Variants in AHCTF1 observed in about 807,000 individuals in gnomAD.
The protein encoded by AHCTF1 is AT-hook containing transcription factor 1.
A neutral mutation model predicts 248.4 loss-of-function variants in AHCTF1; 24 were observed. That is an observed-to-expected ratio of 0.10 (90% CI 0.07 to 0.14). AHCTF1 has a LOEUF of 0.14. Ranked by LOEUF, AHCTF1 falls within the 10% of genes least tolerant of loss-of-function variation. The pLI is 1.00. For missense variants in AHCTF1, 2,206 were observed against 2,636.2 expected, an observed-to-expected ratio of 0.84 and a Z score of 3.57; for synonymous variants, 786 against 929.8, an observed-to-expected ratio of 0.85 and a Z score of 2.81.
At chr1:246,896,208 C>T (rs976630996) in intron 12 of AHCTF1, among the ~76,000 whole-genome samples, 1 of 152,148 alleles carries the variant, frequency 6.6e-6, no homozygotes, top group African/African-American at 2.4e-5. Flanking sequence ...CCTCCAATTC[C>T]ACACCTAGGT....
At chr1:246,899,681 C>T (rs528830532) in intron 10 of AHCTF1, among the ~76,000 whole-genome samples, 169 bp from the exon 11 acceptor site, 1 of 151,994 alleles carries the variant, frequency 6.6e-6, no homozygotes, top group East Asian at 1.9e-4. Flanking sequence ...GATAACAAAC[C>T]TATTACACAG....
intron 1 of AHCTF1, among the ~76,000 whole-genome samples, chr1:246,927,041 G>A (rs1173927416): frequency 1.3e-5 from 2 of 151,658 alleles, no homozygotes; most frequent in Admixed American, 6.6e-5. Flanking sequence ...AGCAGGGCGT[G>A]GTGACGGGAA....
chr1:246,912,211 C>T (rs1158000843), intron 4 of AHCTF1, among the ~76,000 whole-genome samples: 4 of 152,132 alleles, frequency 2.6e-5, no homozygotes, highest in South Asian at 2.1e-4. Context: ...GGTGTGGTGG[C>T]TCACACCTGT....
Position 246,909,394 on chromosome 1 carries a change from C to CAA in AHCTF1, c.557-1638_557-1637dup, listed in dbSNP as rs55998210. Among the ~76,000 whole-genome samples, 76 of 62,368 alleles carry CAA rather than the reference C, an allele frequency of 1.2e-3. 1 individual carries two copies. Among genetic ancestry groups the CAA allele is most frequent in the East Asian group, 4.8e-3 (10 of 2,084 alleles). The allele number at this position is 62,368 out of a possible 152,430, so 40.9% of individuals were successfully genotyped here. A position where few individuals can be genotyped will look rare whatever the true frequency, so the allele number is the denominator to read the frequency against. On this transcript the variant is annotated intron_variant, in intron 4 of 35. Transcript: ENST00000648844. ...ATTGCGCCACTGCACTCCAGCCTCT[C>CAA]AAAAAAAAAAAAAAAAAAAAAAAAA...
At chr1:246,863,590 A>G (rs977286400) in intron 27 of AHCTF1, among the ~76,000 whole-genome samples, 6 of 152,220 alleles carry the variant, frequency 3.9e-5, no homozygotes, top group African/African-American at 1.4e-4. Context: ...ATTTGATAGA[A>G]GAAATAACAG....
chr1:246,885,020 T>C (rs1036624652), intron 21 of AHCTF1, among the ~76,000 whole-genome samples: 5 of 152,206 alleles, frequency 3.3e-5, no homozygotes, highest in African/African-American at 7.2e-5. Flanking sequence ...CAACTGTCAA[T>C]GTTGTCAACT....
In AHCTF1 at chr1:246,867,681, A is replaced by G; in HGVS notation, c.3219T>C (p.Asn1073=). ...CATACCTATTGAAAGGTGTGGTGCT[A>G]TTTATAGGTTCTTTGCTTGCCCAAA... ...GEVWASKEPI[N]STTPFNSSKI... Residue 1073 remains asparagine, a synonymous_variant, in exon 25 of 36, where the codon AAT becomes AAC. Coordinates refer to ENST00000648844, the MANE Select transcript of AHCTF1 (RefSeq NM_001323342.2). The G allele has an allele frequency of 6.2e-7, 1 of 1,612,150 alleles. No homozygotes were observed. The highest frequency in any genetic ancestry group is 8.5e-7 in the Non-Finnish European group (1 of 1,179,840).
intron 17 of AHCTF1, 57 bp downstream of exon 17, chr1:246,889,909 T>G: frequency 7.6e-7 from 1 of 1,312,264 alleles, no homozygotes; most frequent in Non-Finnish European, 1.1e-6. Context: ...CGATGAACAC[T>G]ATTCTGAGAA....
intron 4 of AHCTF1, among the ~76,000 whole-genome samples, chr1:246,912,298 A>C (rs1230276069): frequency 6.6e-6 from 1 of 151,824 alleles, no homozygotes; most frequent in South Asian, 2.1e-4. Flanking sequence ...AATATGGTGA[A>C]ACCCCATCTC....
chr1:246,912,539 G>A (rs150752133), intron 4 of AHCTF1, among the ~76,000 whole-genome samples: 1,941 of 150,548 alleles, frequency 0.013, 29 homozygotes, highest in Non-Finnish European at 0.019. Flanking sequence ...AAATTTTTTC[G>A]GGTCAAATAC....
intron 27 of AHCTF1, among the ~76,000 whole-genome samples, chr1:246,863,384 A>C (rs894318418): frequency 2.1e-4 from 32 of 151,968 alleles, no homozygotes; most frequent in African/African-American, 4.1e-4. Flanking sequence ...AAAAAAAAAA[A>C]AACAAAACTT....
intron 1 of AHCTF1, 149 bp from the exon 2 acceptor site, chr1:246,918,526 A>T (rs1490792133): frequency 1.3e-6 from 1 of 788,064 alleles, no homozygotes; most frequent in East Asian, 3.1e-5. Flanking sequence ...CCAGATGCGG[A>T]GGCTCACGCC....
chr1:246,890,355 T>C (rs188314650), intron 16 of AHCTF1, among the ~76,000 whole-genome samples: 34 of 152,260 alleles, frequency 2.2e-4, no homozygotes, highest in Non-Finnish European at 1.5e-5. Context: ...AAATGTTCAC[T>C]ACAAATCAAA....
intron 33 of AHCTF1, among the ~76,000 whole-genome samples, chr1:246,848,706 T>C (rs997001266): frequency 2.0e-5 from 3 of 151,274 alleles, no homozygotes; most frequent in Non-Finnish European, 4.4e-5. Context: ...TCTCTACAAA[T>C]ACAAAAAATT....
intron 4 of AHCTF1, 120 bp from the exon 5 acceptor site, chr1:246,907,878 T>G: frequency 3.6e-6 from 3 of 832,896 alleles, no homozygotes; most frequent in Non-Finnish European, 5.5e-6. Flanking sequence ...TTAATTGAAA[T>G]TAAAAGATTA....
chr1:246,912,881 T>C (rs924704408), intron 4 of AHCTF1, among the ~76,000 whole-genome samples: 12 of 152,234 alleles, frequency 7.9e-5, no homozygotes, highest in African/African-American at 2.9e-4. Flanking sequence ...TATTGGCTGA[T>C]AAGGCTCAAG....
intron 21 of AHCTF1, among the ~76,000 whole-genome samples, chr1:246,882,218 C>T (rs963657093): frequency 3.1e-4 from 45 of 145,032 alleles, no homozygotes; most frequent in Admixed American, 4.2e-4. Context: ...AGGATGGTCT[C>T]GATCTCCTGA....
chr1:246,872,165 G>A lies in AHCTF1; in HGVS notation c.3088+3872C>T, dbSNP rs977947953. ...AATAACAAAACAAAACAAACCTTAC[G>A]CAATTAGTTACTAAAGATACCTGAT... On this transcript the variant is annotated intron_variant, in intron 24 of 35. Coordinates refer to ENST00000648844, the MANE Select transcript of AHCTF1 (RefSeq NM_001323342.2). Among the ~76,000 whole-genome samples, 8 of 151,078 alleles carry A rather than the reference G, an allele frequency of 5.3e-5. No individual in the cohort carries two copies. In the South Asian group the frequency reaches 6.2e-4, roughly 12 times the overall value.
At position 246,898,225 on chromosome 1, in the gene AHCTF1, G is replaced by A; in HGVS notation, c.1606C>T (p.Pro536Ser). The change falls in exon 12 of 36, where the codon CCT (proline) becomes TCT (serine). Residue 536 changes from proline (P) to serine (S), a missense_variant. Around this residue, in one of 6 missense-constraint regions of AHCTF1, gnomAD observed 650 missense variants for 870.8 expected, o/e 0.75. Transcript: ENST00000648844. Reference sequence around the variant, plus strand: ...CATCTCACTTGGCTTAAACTGGAAGGCTGAACATCAACAAATCTTGGGGAA... The same window carrying A: ...CATCTCACTTGGCTTAAACTGGAAGACTGAACATCAACAAATCTTGGGGAA... ...LLSPRFVDVQPSSLSQEEQLE... is the reference protein window; with the variant it reads ...LLSPRFVDVQSSSLSQEEQLE... 1 of 1,612,144 alleles carries A rather than the reference G, an allele frequency of 6.2e-7. No homozygotes were observed.
Sources: allele counts gnomAD v4.1 joint callset (sites outside exome capture counted in the v4.1 genomes callset), GRCh38; gene constraint gnomAD v4.1.1; regional missense constraint gnomAD v4.1.1; transcripts MANE v1.5; gene names NCBI Gene and HGNC (gene_info 2026-07-23, HGNC 2026-07-21).